Variants in WSCD2 observed in about 807,000 individuals in gnomAD.
WSCD2 encodes the protein WSC domain sialate O sulfotransferase 2.
Under a neutral mutation model 55.7 loss-of-function variants are expected in WSCD2, and 28 were observed. The observed-to-expected ratio is 0.50, with a 90% CI of 0.37 to 0.69. WSCD2 has a LOEUF of 0.69. Ranked by LOEUF, WSCD2 falls within the 30% of genes least tolerant of loss-of-function variation. The pLI is 0.00. For missense variants in WSCD2, 616 were observed against 762.1 expected (o/e 0.81, Z 2.26); for synonymous variants, 301 against 301.9 (o/e 1.00, Z 0.03).
At chr12:108,153,297 G>A (rs1283394660) in intron 1 of WSCD2, among the ~76,000 whole-genome samples, 1 of 152,170 alleles carries the variant, frequency 6.6e-6, no homozygotes, top group Non-Finnish European at 1.5e-5. Flanking sequence ...TTCAAGTCAA[G>A]AAAATAATTA....
chr12:108,248,550 TC>T lies in WSCD2; in HGVS notation c.*213del. On this transcript the variant is annotated 3_prime_UTR_variant, in exon 9 of 9. Transcript: ENST00000547525. The surrounding 1 kb of genome is among the most constrained non-coding windows in gnomAD (Gnocchi z 4.3). ...AGGCACTACCACTCTGCTCACATGT[TC>T]CCCCCTTGGCAATGTGGGGCATCTT... The T allele has an allele frequency of 1.4e-6, 2 of 1,381,796 alleles. No individual in the cohort carries two copies. The highest frequency in any genetic ancestry group is 1.8e-5 in the South Asian group (1 of 56,222). The allele number at this position is 1,381,796 out of a possible 1,614,324, so 85.6% of individuals were successfully genotyped here. A position where few individuals can be genotyped will look rare whatever the true frequency, so the allele number is the denominator to read the frequency against.
At chr12:108,234,137 C>A (rs1655956470) in intron 7 of WSCD2, among the ~76,000 whole-genome samples, 1 of 152,072 alleles carries the variant, frequency 6.6e-6, no homozygotes, top group Non-Finnish European at 1.5e-5. Flanking sequence ...AGCTGATGAG[C>A]TAAAAATAAA....
chr12:108,166,726 C>CTCTTTCTTTCTTTCTT (rs764436831), intron 1 of WSCD2, among the ~76,000 whole-genome samples: 5 of 98,692 alleles, frequency 5.1e-5, no homozygotes, highest in African/African-American at 1.8e-4. Context: ...CTCCTTCTTT[C>CTCTTTCTTTCTTTCTT]TCTTTCTTTC....
rs113409001 is a variant in WSCD2, at chr12:108,173,810, CTGTG to C, written c.-551-21430_-551-21427del. Among the ~76,000 whole-genome samples, 405 of 131,210 alleles carry C rather than the reference CTGTG, an allele frequency of 3.1e-3. 4 individuals are homozygous for C. The highest frequency in any genetic ancestry group is 8.6e-3 in the African/African-American group (281 of 32,724). 86.1% of individuals were successfully genotyped at this position (131,210 alleles called of 152,430 possible). On this transcript the variant is annotated intron_variant, in intron 1 of 8. Transcript: ENST00000547525. ...TGAGGCAGAGCTGATTCCTGGCTCT[CTGTG>C]TGTGTGTGTGTGTGTGTGTGTGTGT...
rs1396875799 is a variant in WSCD2 at position 108,236,566 on chromosome 12, TTCTCTCTCTCTCTCATTC to T, written c.1144+3686_1144+3703del. Reference sequence around the variant, plus strand: ...GTGTCCATCTGCCATCTGGCGCTCTTTCTCTCTCTCTCTCATTCTCTCTCTCTCTCTCTAATTGTCCTT... The same window carrying T: ...GTGTCCATCTGCCATCTGGCGCTCTTTCTCTCTCTCTCTCTAATTGTCCTT... On this transcript the variant is annotated intron_variant, in intron 7 of 8. Transcript: ENST00000547525. 4.7e-5 allele frequency among the ~76,000 whole-genome samples: 7 copies of T among 147,874 alleles called. No homozygotes were observed. The East Asian group carries it at 1.4e-3, about 30-fold the overall frequency.
chr12:108,188,260 G>T (rs1032178147), intron 1 of WSCD2, among the ~76,000 whole-genome samples: 5 of 152,116 alleles, frequency 3.3e-5, no homozygotes, highest in African/African-American at 1.2e-4. Context: ...TTCTGGAGGT[G>T]GGGTGAGCAA....
chr12:108,179,494 C>T (rs761676582), intron 1 of WSCD2, among the ~76,000 whole-genome samples: 16 of 152,224 alleles, frequency 1.1e-4, no homozygotes, highest in Non-Finnish European at 2.2e-4. Flanking sequence ...GGAAGGTCTT[C>T]TCTCTGATTC....
intron 1 of WSCD2, among the ~76,000 whole-genome samples, chr12:108,164,617 C>A (rs565283919): frequency 6.6e-6 from 1 of 152,160 alleles, no homozygotes; most frequent in African/African-American, 2.4e-5. Context: ...GATTTAAGCA[C>A]TCATTTCTTG....
At chr12:108,172,039 T>C (rs1430438755) in intron 1 of WSCD2, among the ~76,000 whole-genome samples, 1 of 152,224 alleles carries the variant, frequency 6.6e-6, no homozygotes, top group Non-Finnish European at 1.5e-5. Flanking sequence ...TGAGAGTTAA[T>C]ATATGATTTC....
chr12:108,192,361 G>A (rs915487020), intron 1 of WSCD2, among the ~76,000 whole-genome samples: 1 of 152,180 alleles, frequency 6.6e-6, no homozygotes, highest in Non-Finnish European at 1.5e-5. Flanking sequence ...TGGGGTAATG[G>A]AAGAGGCAGG....
chr12:108,194,915 G>C (rs886116878), intron 1 of WSCD2, among the ~76,000 whole-genome samples: 1 of 152,194 alleles, frequency 6.6e-6, no homozygotes, highest in African/African-American at 2.4e-5. Context: ...CAAGGACCTT[G>C]AAAGTACTTT....
At chr12:108,190,210 A>G (rs1348493083) in intron 1 of WSCD2, among the ~76,000 whole-genome samples, 1 of 152,216 alleles carries the variant, frequency 6.6e-6, no homozygotes, top group Non-Finnish European at 1.5e-5. Context: ...AACAAACACC[A>G]GTGACTTCTG....
intron 1 of WSCD2, among the ~76,000 whole-genome samples, chr12:108,159,252 C>A (rs1296288691): frequency 1.3e-5 from 2 of 152,184 alleles, no homozygotes; most frequent in African/African-American, 4.8e-5. Context: ...TGCTGCTTCC[C>A]CATCACAGCT....
chr12:108,130,671 T>C (rs1044637288), intron 1 of WSCD2, among the ~76,000 whole-genome samples: 16 of 152,120 alleles, frequency 1.1e-4, no homozygotes, highest in Admixed American at 7.9e-4. Context: ...TCCTAATTCT[T>C]ACAGCTTCAA....
At position 108,196,148 on chromosome 12, in the gene WSCD2, G is replaced by C. The variant is rs902011314; in HGVS notation, c.316G>C (p.Asp106His). The C allele has an allele frequency of 1.2e-6, 2 of 1,614,064 alleles. No homozygotes were observed. Among genetic ancestry groups the C allele is most frequent in the Admixed American group, 3.3e-5 (2 of 60,000 alleles). Residue 106 changes from aspartate to histidine, a missense_variant, in exon 2 of 9, where the codon GAC (aspartate) becomes CAC (histidine). Coordinates refer to ENST00000547525, the MANE Select transcript of WSCD2 (RefSeq NM_014653.4). ...KDGNERAKLG[D>H]YGGAWSRALK... ...TGGGAATGAGAGAGCCAAGCTTGGC[G>C]ACTACGGTGGAGCCTGGAGCCGAGC...
At chr12:108,220,193 TC>T (rs1470918243) in intron 4 of WSCD2, among the ~76,000 whole-genome samples, 1 of 152,202 alleles carries the variant, frequency 6.6e-6, no homozygotes, top group East Asian at 1.9e-4. Context: ...GCAAGTCACT[TC>T]CCCTCTGCAC....
intron 1 of WSCD2, among the ~76,000 whole-genome samples, chr12:108,151,815 A>G (rs967638188): frequency 6.6e-6 from 1 of 152,222 alleles, no homozygotes; most frequent in Non-Finnish European, 1.5e-5. Context: ...CCATGGGCTA[A>G]TGACCAATTA....
At chr12:108,141,232 C>A (rs1478591625) in intron 1 of WSCD2, among the ~76,000 whole-genome samples, 1 of 152,046 alleles carries the variant, frequency 6.6e-6, no homozygotes, top group Non-Finnish European at 1.5e-5. Flanking sequence ...TTTTTAAAAA[C>A]TTTTTGTTCT....
chr12:108,241,939 A>T (rs1889778618), intron 8 of WSCD2, among the ~76,000 whole-genome samples: 2 of 152,236 alleles, frequency 1.3e-5, no homozygotes, highest in Non-Finnish European at 2.9e-5. Flanking sequence ...ATTTGAACTC[A>T]GGGAATCTTG....
Sources: allele counts gnomAD v4.1 joint callset (sites outside exome capture counted in the v4.1 genomes callset), GRCh38; gene constraint gnomAD v4.1.1; non-coding constraint Gnocchi (gnomAD v3.1); transcripts MANE v1.5; gene names NCBI Gene and HGNC (gene_info 2026-07-23, HGNC 2026-07-21).